The following PLBD1 variants were observed in gnomAD, a reference collection of about 807,000 sequenced individuals.
PLBD1 encodes lysosomal leucine aminopeptidase.
Under a neutral mutation model 63.0 loss-of-function variants are expected in PLBD1, and 60 were observed. That is an observed-to-expected ratio of 0.95 (90% CI 0.77 to 1.18). The LOEUF is 1.18. Ranked by LOEUF, PLBD1 falls within the 50% of genes most tolerant of loss-of-function variation. The pLI, the probability that PLBD1 is intolerant of heterozygous loss-of-function variation, is 0.00. For synonymous variants in PLBD1, 262 were observed against 248.0 expected (o/e 1.06, Z -0.53); for missense variants, 598 against 677.9 (o/e 0.88, Z 1.31).
intron 6 of PLBD1, among the ~76,000 whole-genome samples, chr12:14,529,690 A>C (rs2136915915): frequency 6.6e-6 from 1 of 152,276 alleles, no homozygotes; most frequent in Admixed American, 6.5e-5. Context: ...GAAAGACAAT[A>C]CTTTTCACCC....
chr12:14,508,694 C>T (rs1161635774), intron 8 of PLBD1, among the ~76,000 whole-genome samples: 2 of 152,064 alleles, frequency 1.3e-5, no homozygotes, highest in South Asian at 2.1e-4. Flanking sequence ...CGCTTGAACC[C>T]GAGAGGCAAA....
intron 2 of PLBD1, among the ~76,000 whole-genome samples, chr12:14,548,447 A>C (rs1161069627): frequency 8.6e-6 from 1 of 115,852 alleles, no homozygotes; most frequent in African/African-American, 3.4e-5. Context: ...ACACAGGGAG[A>C]CTCCATCTCC....
At chr12:14,545,885 T>C (rs1945612406) in intron 2 of PLBD1, among the ~76,000 whole-genome samples, 1 of 152,192 alleles carries the variant, frequency 6.6e-6, no homozygotes, top group Admixed American at 6.5e-5. Context: ...TTACATATAG[T>C]TTATGCTGTC....
At chr12:14,541,584 G>A (rs182094086) in intron 3 of PLBD1, among the ~76,000 whole-genome samples, 27 of 152,192 alleles carry the variant, frequency 1.8e-4, no homozygotes, top group African/African-American at 6.0e-4. Flanking sequence ...TTGCTTCATG[G>A]GATCTAGCCC....
At chr12:14,530,414 T>G (rs1201460072) in intron 6 of PLBD1, among the ~76,000 whole-genome samples, 1 of 152,188 alleles carries the variant, frequency 6.6e-6, no homozygotes, top group African/African-American at 2.4e-5. Flanking sequence ...AAATCATTAT[T>G]GTTTTTAGCC....
chr12:14,529,015 G>C (rs73060656), intron 6 of PLBD1, among the ~76,000 whole-genome samples: 1 of 151,938 alleles, frequency 6.6e-6, no homozygotes, highest in East Asian at 1.9e-4. Context: ...AGCTTCACGC[G>C]TGAATTCTAT....
At chr12:14,526,359 C>G (rs1945415640) in intron 6 of PLBD1, among the ~76,000 whole-genome samples, 1 of 152,144 alleles carries the variant, frequency 6.6e-6, no homozygotes, top group Admixed American at 6.5e-5. Context: ...AACCCGAAAG[C>G]AGGAATGCCT....
At chr12:14,512,526 A>C (rs961075448) in intron 6 of PLBD1, among the ~76,000 whole-genome samples, 1 of 152,052 alleles carries the variant, frequency 6.6e-6, no homozygotes, top group African/African-American at 2.4e-5. Flanking sequence ...GGGCATTGAC[A>C]CTCTTGGTCA....
At chr12:14,557,719 A>T (rs1945716612) in intron 1 of PLBD1, among the ~76,000 whole-genome samples, 1 of 152,176 alleles carries the variant, frequency 6.6e-6, no homozygotes, top group African/African-American at 2.4e-5. Context: ...CAGGAAAAAT[A>T]ACTAATGGGT....
intron 1 of PLBD1, among the ~76,000 whole-genome samples, chr12:14,560,027 A>G (rs1038717769): frequency 6.6e-6 from 1 of 152,030 alleles, no homozygotes; most frequent in South Asian, 2.1e-4. Flanking sequence ...CGCCTGGCTA[A>G]TTTTGTATTT....
intron 9 of PLBD1, 53 bp downstream of exon 9, chr12:14,506,880 A>G: frequency 6.6e-7 from 1 of 1,519,216 alleles, no homozygotes; most frequent in South Asian, 1.2e-5. Flanking sequence ...TTCTGTATCC[A>G]TAGGGAAGAA....
chr12:14,507,230 G>A (rs1221832310), intron 8 of PLBD1, 112 bp from the exon 9 acceptor site: 2 of 801,388 alleles, frequency 2.5e-6, no homozygotes, highest in Non-Finnish European at 4.0e-6. Context: ...AATGGGCACA[G>A]GCATTTAATT....
At chr12:14,522,081 T>C (rs1394301320) in intron 6 of PLBD1, among the ~76,000 whole-genome samples, 1 of 151,644 alleles carries the variant, frequency 6.6e-6, no homozygotes, top group African/African-American at 2.4e-5. Flanking sequence ...GCTTGAAGAG[T>C]GAAGAAAGCC....
chr12:14,519,798 T>C (rs1945362457), intron 6 of PLBD1, among the ~76,000 whole-genome samples: 1 of 152,170 alleles, frequency 6.6e-6, no homozygotes, highest in African/African-American at 2.4e-5. Flanking sequence ...ATTTCTGTTG[T>C]TTAAGCCACC....
intron 6 of PLBD1, among the ~76,000 whole-genome samples, chr12:14,517,018 G>A (rs918397630): frequency 3.3e-5 from 5 of 152,112 alleles, no homozygotes; most frequent in Non-Finnish European, 7.4e-5. Context: ...CAGCATGGGC[G>A]ACAGAGTGAG....
intron 1 of PLBD1, among the ~76,000 whole-genome samples, chr12:14,561,288 A>T (rs1391051441): frequency 6.6e-6 from 1 of 151,960 alleles, no homozygotes; most frequent in Non-Finnish European, 1.5e-5. Context: ...CATCCCGTTG[A>T]AACATACCGA....
At chr12:14,566,443 A>G (rs1945782535) in intron 1 of PLBD1, among the ~76,000 whole-genome samples, 1 of 152,236 alleles carries the variant, frequency 6.6e-6, no homozygotes, top group African/African-American at 2.4e-5. Flanking sequence ...CAAGGTCAGC[A>G]CAGAAAAGGG....
At chr12:14,518,281 T>G (rs1200002580) in intron 6 of PLBD1, among the ~76,000 whole-genome samples, 1 of 152,198 alleles carries the variant, frequency 6.6e-6, no homozygotes, top group Non-Finnish European at 1.5e-5. Flanking sequence ...AGGTTTTTTG[T>G]TTTCCTTTCT....
At position 14,535,734 on chromosome 12, in the gene PLBD1, T is replaced by G. The variant is rs749022740; in HGVS notation, c.769A>C (p.Ile257Leu). Residue 257 changes from isoleucine to leucine, a missense_variant, in exon 6 of 11, where the codon ATA (isoleucine) becomes CTA (leucine). Coordinates refer to ENST00000240617, the MANE Select transcript of PLBD1 (RefSeq NM_024829.6). ...SWYTYAAMLR[I>L]YKHWDFNVID... ...ACGTTGAAGTCCCAGTGTTTATATA[T>G]CCTGAGCATGGCTGCATACGTGTAC... 1.2e-6 allele frequency: 2 copies of G among 1,613,982 alleles called. No homozygotes were observed. The highest frequency in any genetic ancestry group is 2.2e-5 in the East Asian group (1 of 44,884).
Sources: allele counts gnomAD v4.1 joint callset (sites outside exome capture counted in the v4.1 genomes callset), GRCh38; gene constraint gnomAD v4.1.1; transcripts MANE v1.5; gene names NCBI Gene and HGNC (gene_info 2026-07-23, HGNC 2026-07-21).